The following CTNNAL1 variants were observed in gnomAD, a reference collection of about 807,000 sequenced individuals.
CTNNAL1 encodes catenin alpha like 1.
In CTNNAL1, 69 loss-of-function variants were observed where a neutral mutation model predicts 93.6. The observed-to-expected ratio is 0.74, with a 90% CI of 0.61 to 0.90. The LOEUF (loss-of-function observed/expected upper bound fraction) is 0.90. Ranked by LOEUF, CTNNAL1 falls within the 40% of genes least tolerant of loss-of-function variation. The pLI is 0.00. For synonymous variants in CTNNAL1, 286 were observed against 305.4 expected, an observed-to-expected ratio of 0.94 and a Z score of 0.66; for missense variants, 836 against 862.0, an observed-to-expected ratio of 0.97 and a Z score of 0.38.
chr9:108,958,118 TAAAG>T (rs1185850171), intron 11 of CTNNAL1, among the ~76,000 whole-genome samples: 73 of 110,212 alleles, frequency 6.6e-4, no homozygotes, highest in African/African-American at 2.3e-3. Flanking sequence ...AAATAAATAA[TAAAG>T]AAAAAAGAAT....
In CTNNAL1 at chr9:108,965,021, G is replaced by A. The variant is rs190644152; in HGVS notation, c.1591+357C>T. Among the ~76,000 whole-genome samples the A allele has an allele frequency of 1.7e-4, 26 of 151,908 alleles. No homozygotes were observed. In the East Asian group the frequency reaches 5.1e-3, roughly 30 times the overall value. ...ATTACAGGCGCACATCAACACATTC[G>A]GCTAATTTTTGTATTTTTAGTAGAG... On this transcript the variant is annotated intron_variant, in intron 11 of 18. Coordinates refer to ENST00000325551, the MANE Select transcript of CTNNAL1 (RefSeq NM_003798.4).
At chr9:108,965,806 G>C (rs997650412) in intron 10 of CTNNAL1, among the ~76,000 whole-genome samples, 6 of 152,124 alleles carry the variant, frequency 3.9e-5, no homozygotes, top group African/African-American at 1.4e-4. Context: ...AACTCTGTTT[G>C]AACAAAGTTG....
chr9:108,988,952 T>G (rs1831698715), intron 4 of CTNNAL1, among the ~76,000 whole-genome samples: 1 of 152,166 alleles, frequency 6.6e-6, no homozygotes, highest in South Asian at 2.1e-4. Flanking sequence ...GGATGCATAT[T>G]CCAAAAAAGT....
At chr9:109,004,739 T>A (rs954825636) in intron 1 of CTNNAL1, among the ~76,000 whole-genome samples, 1 of 151,900 alleles carries the variant, frequency 6.6e-6, no homozygotes, top group Non-Finnish European at 1.5e-5. Context: ...TGAGCTGAAA[T>A]CATGGCATTG....
intron 10 of CTNNAL1, among the ~76,000 whole-genome samples, chr9:108,968,407 C>T (rs1291346393): frequency 1.3e-5 from 2 of 152,174 alleles, no homozygotes; most frequent in East Asian, 3.8e-4. Flanking sequence ...TATGGCTATT[C>T]CTAATATCTC....
intron 7 of CTNNAL1, chr9:108,977,372 T>G (rs1289016975): frequency 6.1e-6 from 1 of 163,382 alleles, no homozygotes; most frequent in Non-Finnish European, 1.3e-5. Context: ...CTCTTTTATT[T>G]TCTGCCTAGA....
At chr9:109,011,399 C>G (rs991332343) in intron 1 of CTNNAL1, among the ~76,000 whole-genome samples, 1 of 152,060 alleles carries the variant, frequency 6.6e-6, no homozygotes, top group African/African-American at 2.4e-5. Flanking sequence ...GGCATTCTTC[C>G]CCTTTGGCAT....
chr9:109,011,274 C>T (rs776926453), intron 1 of CTNNAL1, among the ~76,000 whole-genome samples: 13 of 151,814 alleles, frequency 8.6e-5, no homozygotes, highest in Non-Finnish European at 8.8e-5. Flanking sequence ...TGAGGAATAT[C>T]AGTTATGGTG....
At chr9:108,984,598 A>G (rs1178326505) in intron 4 of CTNNAL1, among the ~76,000 whole-genome samples, 162 bp from the exon 5 acceptor site, 2 of 152,118 alleles carry the variant, frequency 1.3e-5, no homozygotes, top group Non-Finnish European at 2.9e-5. Flanking sequence ...CACTGCTTCA[A>G]TATAAACACA....
At chr9:108,986,156 T>C (rs1255654461) in intron 4 of CTNNAL1, among the ~76,000 whole-genome samples, 1 of 150,560 alleles carries the variant, frequency 6.6e-6, no homozygotes, top group Admixed American at 6.6e-5. Flanking sequence ...TAGGTATATC[T>C]CCTAATGCTA....
At chr9:108,945,538 T>C (rs942217109) in intron 15 of CTNNAL1, among the ~76,000 whole-genome samples, 1 of 150,184 alleles carries the variant, frequency 6.7e-6, no homozygotes, top group East Asian at 2.0e-4. Flanking sequence ...CACAGCTCAC[T>C]ACAGCCTTGA....
chr9:108,950,142 A>G, intron 14 of CTNNAL1, among the ~76,000 whole-genome samples: 1 of 152,150 alleles, frequency 6.6e-6, no homozygotes, highest in Admixed American at 6.5e-5. Context: ...AGTCAAAAAC[A>G]TTTTTTAAAA....
At chr9:108,952,384 T>A in intron 13 of CTNNAL1, 21 bp from the exon 14 acceptor site, 3 of 1,614,186 alleles carry the variant, frequency 1.9e-6, no homozygotes, top group Non-Finnish European at 2.5e-6. Context: ...GACGTTTTAA[T>A]CACAACGACT....
chr9:108,943,651 C>A, intron 17 of CTNNAL1, 52 bp downstream of exon 17: 2 of 1,484,432 alleles, frequency 1.3e-6, no homozygotes, highest in Non-Finnish European at 1.8e-6. Flanking sequence ...GAAAAAGGGG[C>A]TTTAACCAGA....
In CTNNAL1 at chr9:109,013,336, GA is replaced by G. The variant is rs749408472; in HGVS notation, c.106del (p.Ser36ArgfsTer36). 46 of 1,515,470 alleles carry G rather than the reference GA, an allele frequency of 3.0e-5. No individual in the cohort carries two copies. The highest frequency in any genetic ancestry group is 4.0e-5 in the Non-Finnish European group (45 of 1,131,274). 93.9% of individuals were successfully genotyped at this position (1,515,470 alleles called of 1,614,324 possible). A position where few individuals can be genotyped will look rare whatever the true frequency, so the allele number is the denominator to read the frequency against. On this transcript the variant is annotated frameshift_variant, in exon 1 of 19. Transcript: ENST00000325551. LOFTEE classifies it high-confidence loss of function. Reference protein sequence around the residue: ...LDSGLEIKTRSVEQTLLPLVS... With the variant: ...LDSGLEIKTRXVEQTLLPLVS... ...CAGCGGGAGTAGCGTCTGCTCCACC[GA>G]GCGAGTTTTGATCTCCAGTCCCGAG...
intron 8 of CTNNAL1, among the ~76,000 whole-genome samples, chr9:108,973,100 C>T (rs1484710887): frequency 6.6e-6 from 1 of 152,054 alleles, no homozygotes; most frequent in Non-Finnish European, 1.5e-5. Context: ...CCTTTAACCC[C>T]CTGGTGCCAG....
At chr9:109,012,474 G>C (rs1004785967) in intron 1 of CTNNAL1, among the ~76,000 whole-genome samples, 2 of 152,336 alleles carry the variant, frequency 1.3e-5, no homozygotes, top group African/African-American at 4.8e-5. Flanking sequence ...TCCCCACAGT[G>C]CTTGGCATCT....
intron 1 of CTNNAL1, among the ~76,000 whole-genome samples, chr9:109,012,918 G>A (rs993456627): frequency 2.6e-5 from 4 of 152,276 alleles, no homozygotes; most frequent in East Asian, 1.9e-4. Flanking sequence ...TACCAGCGAG[G>A]GGCCCCGCGG....
chr9:108,986,192 A>G, intron 4 of CTNNAL1, among the ~76,000 whole-genome samples: 1 of 114,538 alleles, frequency 8.7e-6, no homozygotes, highest in South Asian at 3.4e-4. Context: ...CGCACCCCAC[A>G]ACAGTCCCCA....
Sources: allele counts gnomAD v4.1 joint callset (sites outside exome capture counted in the v4.1 genomes callset), GRCh38; gene constraint gnomAD v4.1.1; transcripts MANE v1.5; gene names NCBI Gene and HGNC (gene_info 2026-07-23, HGNC 2026-07-21).